The following ZNF618 variants were observed in gnomAD, a reference collection of about 807,000 sequenced individuals.
The protein encoded by ZNF618 is zinc finger protein 618, also known as neural precursor cell expressed, developmentally down-regulated 10.
A neutral mutation model predicts 103.0 loss-of-function variants in ZNF618; 34 were observed. The observed-to-expected ratio is 0.33, with a 90% CI of 0.25 to 0.44. ZNF618 has a LOEUF of 0.44. Among genes scored for constraint, ZNF618 ranks in the 20% least tolerant of loss-of-function variants. The pLI is 1.00. For synonymous variants in ZNF618, 551 were observed against 542.2 expected, an observed-to-expected ratio of 1.02 and a Z score of -0.23; for missense variants, 1,059 against 1,295.4, an observed-to-expected ratio of 0.82 and a Z score of 2.80.
chr9:114,016,844 C>A (rs757193676), intron 10 of ZNF618, 60 bp downstream of exon 10: 44 of 1,383,052 alleles, frequency 3.2e-5, no homozygotes, highest in Non-Finnish European at 4.2e-5. Context: ...GTGGGCCAGC[C>A]GTTGGCCAGG....
chr9:113,884,490 G>T (rs1361187987), intron 1 of ZNF618, among the ~76,000 whole-genome samples: 1 of 152,342 alleles, frequency 6.6e-6, no homozygotes, highest in African/African-American at 2.4e-5. Flanking sequence ...TTCACTTGCA[G>T]CATGTTATTT....
chr9:114,035,424 G>A (rs1844495720), intron 12 of ZNF618, among the ~76,000 whole-genome samples: 1 of 152,174 alleles, frequency 6.6e-6, no homozygotes, highest in Non-Finnish European at 1.5e-5. Context: ...TTTGGACGGG[G>A]TGGGGCAGAG....
chr9:113,925,334 T>A (rs1832992759), intron 1 of ZNF618, among the ~76,000 whole-genome samples: 1 of 152,156 alleles, frequency 6.6e-6, no homozygotes, highest in South Asian at 2.1e-4. Flanking sequence ...TTTTTTTAAT[T>A]AGTCTTAGTA....
intron 1 of ZNF618, among the ~76,000 whole-genome samples, chr9:113,945,779 G>A (rs981989540): frequency 1.3e-5 from 2 of 152,078 alleles, no homozygotes; most frequent in Non-Finnish European, 2.9e-5. Context: ...TATAGGGCTG[G>A]GGGGAGAAAA....
chr9:114,000,698 C>T (rs1841108838), intron 4 of ZNF618, among the ~76,000 whole-genome samples: 1 of 152,166 alleles, frequency 6.6e-6, no homozygotes, highest in Non-Finnish European at 1.5e-5. Context: ...CCTCTGCTTC[C>T]AGGCAAGACA....
rs1839236679 is a variant in ZNF618 at position 113,984,160 on chromosome 9, A to G, written c.78-4161A>G. On this transcript the variant is annotated intron_variant, in intron 2 of 14. Transcript: ENST00000374126. ...GAAATAAAACAAGGCAATGAACTAG[A>G]AGCTACACTGGAATTTCGGGAAGGG... is the stretch of plus-strand genomic sequence containing the variant. 2.0e-5 allele frequency among the ~76,000 whole-genome samples: 3 copies of G among 152,192 alleles called. No homozygotes were observed. The South Asian group carries it at 6.2e-4, about 31-fold the overall frequency.
At chr9:113,937,004 C>T (rs755717111) in intron 1 of ZNF618, among the ~76,000 whole-genome samples, 1 of 152,120 alleles carries the variant, frequency 6.6e-6, no homozygotes, top group Non-Finnish European at 1.5e-5. Context: ...CCCTCGCTCA[C>T]CAGAGGTAAC....
chr9:113,948,244 C>G (rs1168610082), intron 1 of ZNF618, among the ~76,000 whole-genome samples: 1 of 152,182 alleles, frequency 6.6e-6, no homozygotes, highest in Non-Finnish European at 1.5e-5. Context: ...GGGTAAAACG[C>G]AGAAAACCAG....
chr9:114,012,937 C>T (rs754553210), intron 9 of ZNF618, among the ~76,000 whole-genome samples: 4 of 151,092 alleles, frequency 2.6e-5, no homozygotes, highest in Admixed American at 6.6e-5. Context: ...CAGATAGATT[C>T]GATATAAAGA....
chr9:114,050,393 G>T lies in ZNF618; in HGVS notation c.*226G>T. 1 of 509,462 alleles carries T rather than the reference G, an allele frequency of 2.0e-6. No homozygotes were observed. Among genetic ancestry groups the T allele is most frequent in the Non-Finnish European group, 3.4e-6 (1 of 298,090 alleles). The allele number at this position is 509,462 out of a possible 1,614,324, so 31.6% of individuals were successfully genotyped here. A position where few individuals can be genotyped will look rare whatever the true frequency, so the allele number is the denominator to read the frequency against. ...ACACGTGCTGTGGTTGTGGGGGTGTGGGGGGGTCTCTGTGCTCATCTCCAT... is the reference window on the plus strand; with the variant it reads ...ACACGTGCTGTGGTTGTGGGGGTGTTGGGGGGTCTCTGTGCTCATCTCCAT... On this transcript the variant is annotated 3_prime_UTR_variant, in exon 15 of 15. Coordinates refer to ENST00000374126, the MANE Select transcript of ZNF618 (RefSeq NM_001318042.2).
chr9:114,024,324 C>T (rs1043997454), intron 10 of ZNF618, among the ~76,000 whole-genome samples: 1 of 151,876 alleles, frequency 6.6e-6, no homozygotes, highest in African/African-American at 2.4e-5. Context: ...TTTCATCTTT[C>T]CTTGTCATTT....
chr9:113,954,386 C>A (rs1417052746), intron 1 of ZNF618, among the ~76,000 whole-genome samples: 1 of 152,182 alleles, frequency 6.6e-6, no homozygotes, highest in Non-Finnish European at 1.5e-5. Flanking sequence ...CTCAGCAACA[C>A]TGGAGTTACA....
chr9:113,964,749 G>GCTTTTTT (rs1837206811), intron 1 of ZNF618, among the ~76,000 whole-genome samples: 1 of 126,376 alleles, frequency 7.9e-6, no homozygotes, highest in Non-Finnish European at 1.7e-5. Context: ...CCTCCTTTCT[G>GCTTTTTT]CTTTTTTTTT....
chr9:114,011,951 A>T (rs1397393564), intron 9 of ZNF618, among the ~76,000 whole-genome samples: 1 of 152,166 alleles, frequency 6.6e-6, no homozygotes, highest in Non-Finnish European at 1.5e-5. Context: ...CTGTTGAAAC[A>T]GAGTAAGTCT....
At chr9:113,878,381 A>G (rs905746723) in intron 1 of ZNF618, among the ~76,000 whole-genome samples, 4 of 152,210 alleles carry the variant, frequency 2.6e-5, no homozygotes, top group Non-Finnish European at 5.9e-5. Flanking sequence ...CAAAATACAA[A>G]CAAAAGCCAA....
At chr9:114,040,585 G>A (rs1420622486) in intron 13 of ZNF618, among the ~76,000 whole-genome samples, 3 of 152,112 alleles carry the variant, frequency 2.0e-5, no homozygotes, top group Non-Finnish European at 4.4e-5. Context: ...GCGGTGTTTG[G>A]TTTTTTGTCT....
chr9:113,887,813 G>A (rs932544781), intron 1 of ZNF618, among the ~76,000 whole-genome samples: 2 of 152,212 alleles, frequency 1.3e-5, no homozygotes, highest in African/African-American at 4.8e-5. Flanking sequence ...TTTGAGCCAT[G>A]TGTTGGAAAT....
chr9:113,949,900 G>C (rs1835390983), intron 1 of ZNF618, among the ~76,000 whole-genome samples: 1 of 152,116 alleles, frequency 6.6e-6, no homozygotes, highest in Admixed American at 6.5e-5. Flanking sequence ...GAGGGAGTTG[G>C]CACGGGAGGC....
In ZNF618 at chr9:114,016,819, G is replaced by A; in HGVS notation, c.844+35G>A. On this transcript the variant is annotated intron_variant, in intron 10 of 14. Coordinates refer to ENST00000374126, the MANE Select transcript of ZNF618 (RefSeq NM_001318042.2). Reference sequence around the variant, plus strand: ...TCCTCCCGGTAGGGATGGGGGTTGGGGGACCCGGGACAGGGTGGGCCAGCC... The same window carrying A: ...TCCTCCCGGTAGGGATGGGGGTTGGAGGACCCGGGACAGGGTGGGCCAGCC... 2.6e-6 allele frequency: 4 copies of A among 1,562,180 alleles called. No individual in the cohort carries two copies. In the South Asian group the frequency reaches 4.6e-5, roughly 18 times the overall value.
Sources: allele counts gnomAD v4.1 joint callset (sites outside exome capture counted in the v4.1 genomes callset), GRCh38; gene constraint gnomAD v4.1.1; transcripts MANE v1.5; gene names NCBI Gene and HGNC (gene_info 2026-07-23, HGNC 2026-07-21).